CFAP54: variants seen among roughly 807,000 people sequenced by gnomAD.
CFAP54 encodes cilia and flagella associated protein 54.
A neutral mutation model predicts 370.4 loss-of-function variants in CFAP54; 290 were observed. The ratio of observed to expected loss-of-function variants is 0.78; its 90% CI spans 0.71 to 0.86. The LOEUF (loss-of-function observed/expected upper bound fraction) is 0.86, where lower values mean the gene tolerates loss of function less well. Among genes scored for constraint, CFAP54 ranks in the 40% least tolerant of loss-of-function variants. The pLI, the probability that CFAP54 is intolerant of heterozygous loss-of-function variation, is 0.00. For synonymous variants in CFAP54, 1,206 were observed against 1,236.5 expected, an observed-to-expected ratio of 0.98 and a Z score of 0.52; for missense variants, 3,399 against 3,528.7, an observed-to-expected ratio of 0.96 and a Z score of 0.93.
chr12:96,827,923 ATATTATATATAGTT>A, intron 65 of CFAP54, among the ~76,000 whole-genome samples: 3 of 114,404 alleles, frequency 2.6e-5, no homozygotes, highest in Non-Finnish European at 5.0e-5. Flanking sequence ...GTAATATATT[ATATTATATATAGTT>A]ATATATAATA....
intron 50 of CFAP54, among the ~76,000 whole-genome samples, chr12:96,725,174 C>T (rs1202506546): frequency 1.3e-5 from 2 of 151,858 alleles, no homozygotes; most frequent in Non-Finnish European, 2.9e-5. Flanking sequence ...TTTTTGGTTC[C>T]ATATGAACTT....
Position 96,598,787 on chromosome 12 carries a change from T to C in CFAP54, c.3639+20T>C. 1 of 571,240 alleles carries C rather than the reference T, an allele frequency of 1.8e-6. No individual in the cohort carries two copies. The highest frequency in any genetic ancestry group is 2.4e-5 in the South Asian group (1 of 41,666). The allele number at this position is 571,240 out of a possible 1,614,324, so 35.4% of individuals were successfully genotyped here. A position where few individuals can be genotyped will look rare whatever the true frequency, so the allele number is the denominator to read the frequency against. On this transcript the variant is annotated intron_variant, in intron 26 of 67. Transcript: ENST00000524981. Reference sequence around the variant, plus strand: ...ACAAAGGTATTTATCTCATTCTTTATCTAGTATTATAATATTTAGGAGCGA... The same window carrying C: ...ACAAAGGTATTTATCTCATTCTTTACCTAGTATTATAATATTTAGGAGCGA...
At chr12:96,825,285 A>G (rs1959075584) in intron 65 of CFAP54, among the ~76,000 whole-genome samples, 1 of 123,050 alleles carries the variant, frequency 8.1e-6, no homozygotes, top group South Asian at 2.2e-4. Context: ...GTTATATTAT[A>G]TATAATATAA....
At chr12:96,585,717 G>C (rs1235049112) in intron 22 of CFAP54, among the ~76,000 whole-genome samples, 1 of 152,086 alleles carries the variant, frequency 6.6e-6, no homozygotes, top group Non-Finnish European at 1.5e-5. Context: ...TTTATTTTGT[G>C]GCAGCAGGAA....
chr12:96,828,670 C>T (rs1959155259), intron 65 of CFAP54, among the ~76,000 whole-genome samples: 1 of 152,154 alleles, frequency 6.6e-6, no homozygotes, highest in Non-Finnish European at 1.5e-5. Flanking sequence ...TTCATTCGCT[C>T]TTCCCCTGTC....
Position 96,684,667 on chromosome 12 carries a change from T to A in CFAP54, c.5736T>A (p.Asn1912Lys), listed in dbSNP as rs766617633. ...ATATAGATGTTCTCCAAGCCAGCAA[T>A]CAAAGAAGTCTTAAAGTTCAGGCGT... Reference protein sequence around the residue: ...AQTQDVLQASNQRSLKVQALH... With the variant: ...AQTQDVLQASKQRSLKVQALH... Residue 1912 changes from asparagine (N) to lysine (K), a missense_variant, in exon 41 of 68, where the codon AAT (asparagine) becomes AAA (lysine). Transcript: ENST00000524981. 3.1e-6 allele frequency: 5 copies of A among 1,612,162 alleles called. No homozygotes were observed. The highest frequency in any genetic ancestry group is 4.2e-6 in the Non-Finnish European group (5 of 1,179,254).
At chr12:96,863,844 G>A (rs1959939937) in intron 67 of CFAP54, among the ~76,000 whole-genome samples, 2 of 151,568 alleles carry the variant, frequency 1.3e-5, no homozygotes, top group South Asian at 4.2e-4. Context: ...TCTTACAGAT[G>A]CTGTTATTCT....
chr12:96,821,533 A>G (rs1959034627), intron 65 of CFAP54, among the ~76,000 whole-genome samples: 1 of 152,100 alleles, frequency 6.6e-6, no homozygotes, highest in Non-Finnish European at 1.5e-5. Context: ...CATTTTAGAT[A>G]TTTTCTGGCT....
At chr12:96,843,472 T>C (rs1444991432) in intron 66 of CFAP54, among the ~76,000 whole-genome samples, 1 of 152,180 alleles carries the variant, frequency 6.6e-6, no homozygotes, top group Non-Finnish European at 1.5e-5. Flanking sequence ...ACAGTGAGGA[T>C]AGAACAAGCT....
intron 26 of CFAP54, among the ~76,000 whole-genome samples, chr12:96,611,710 A>G (rs1016638422): frequency 2.0e-5 from 3 of 152,254 alleles, no homozygotes; most frequent in African/African-American, 7.2e-5. Context: ...ATGGAGCTGA[A>G]AACCATGACA....
intron 32 of CFAP54, among the ~76,000 whole-genome samples, chr12:96,631,655 A>G (rs918970926): frequency 6.7e-6 from 1 of 149,974 alleles, no homozygotes; most frequent in Non-Finnish European, 1.5e-5. Flanking sequence ...TGTGTGCATA[A>G]TACTACACAT....
At chr12:96,826,123 A>G (rs894664393) in intron 65 of CFAP54, among the ~76,000 whole-genome samples, 18 of 146,210 alleles carry the variant, frequency 1.2e-4, no homozygotes, top group African/African-American at 4.5e-4. Flanking sequence ...TAAATAACTA[A>G]GCAATACTGG....
intron 15 of CFAP54, among the ~76,000 whole-genome samples, chr12:96,551,926 A>G (rs554403483): frequency 4.6e-5 from 7 of 152,220 alleles, no homozygotes; most frequent in Non-Finnish European, 8.8e-5. Flanking sequence ...AAGAAAGCAG[A>G]GAAAAGGTGT....
At chr12:96,546,298 C>T (rs1385755312) in intron 14 of CFAP54, among the ~76,000 whole-genome samples, 7 of 152,178 alleles carry the variant, frequency 4.6e-5, no homozygotes, top group African/African-American at 1.4e-4. Context: ...ACCCCCCACT[C>T]CACACTTAGT....
At chr12:96,720,265 C>T in intron 49 of CFAP54, 140 bp from the exon 50 acceptor site, 1 of 693,736 alleles carries the variant, frequency 1.4e-6, no homozygotes, top group Admixed American at 4.3e-5. Context: ...ACTCTCTTCT[C>T]TGGTAATTAG....
chr12:96,499,354 CAT>C (rs1480210278), intron 1 of CFAP54, among the ~76,000 whole-genome samples: 1 of 152,058 alleles, frequency 6.6e-6, no homozygotes, highest in East Asian at 1.9e-4. Flanking sequence ...GGCAAATAAA[CAT>C]ATGAAAATAT....
intron 39 of CFAP54, among the ~76,000 whole-genome samples, chr12:96,676,554 TA>T (rs906614013): frequency 9.9e-5 from 15 of 152,100 alleles, no homozygotes; most frequent in Admixed American, 5.9e-4. Flanking sequence ...TTTATTTAGT[TA>T]TTTTTTTTGA....
chr12:96,612,116 G>A (rs1956365054), intron 26 of CFAP54, among the ~76,000 whole-genome samples: 2 of 152,128 alleles, frequency 1.3e-5, no homozygotes, highest in African/African-American at 2.4e-5. Flanking sequence ...TTGAAATGAA[G>A]GAAAAAATGT....
chr12:96,704,499 TA>T (rs1957527280), intron 46 of CFAP54, among the ~76,000 whole-genome samples: 2 of 94,174 alleles, frequency 2.1e-5, no homozygotes, highest in Non-Finnish European at 2.2e-5. Flanking sequence ...TATATATATA[TA>T]TTTAAAATAC....
Sources: allele counts gnomAD v4.1 joint callset (sites outside exome capture counted in the v4.1 genomes callset), GRCh38; gene constraint gnomAD v4.1.1; transcripts MANE v1.5; gene names NCBI Gene and HGNC (gene_info 2026-07-23, HGNC 2026-07-21).